Variants in NLGN1 observed in about 807,000 individuals in gnomAD.
NLGN1 encodes the protein neuroligin-1.
Under a neutral mutation model 65.5 loss-of-function variants are expected in NLGN1, and 12 were observed. The ratio of observed to expected loss-of-function variants is 0.18; its 90% CI spans 0.12 to 0.30. NLGN1 has a LOEUF of 0.30. Among genes scored for constraint, NLGN1 ranks in the 10% least tolerant of loss-of-function variants. NLGN1 has a pLI of 1.00. For missense variants in NLGN1, 750 were observed against 1,007.1 expected, an observed-to-expected ratio of 0.74 and a Z score of 3.46; for synonymous variants, 350 against 359.5, an observed-to-expected ratio of 0.97 and a Z score of 0.30.
chr3:173,530,829 G>A (rs1736446163), intron 2 of NLGN1, among the ~76,000 whole-genome samples: 1 of 151,778 alleles, frequency 6.6e-6, no homozygotes, highest in South Asian at 2.1e-4. Flanking sequence ...TTGTCATTTA[G>A]TTTATAATTA....
chr3:173,897,390 C>T (rs544888566), intron 4 of NLGN1, among the ~76,000 whole-genome samples: 2 of 152,282 alleles, frequency 1.3e-5, no homozygotes, highest in East Asian at 3.9e-4. Context: ...TGACATATTG[C>T]TATTGCCTTG....
chr3:173,818,895 CTTTTT>C (rs200212547), intron 4 of NLGN1, among the ~76,000 whole-genome samples: 1 of 92,400 alleles, frequency 1.1e-5, no homozygotes, highest in African/African-American at 4.7e-5. Context: ...TTGAATAGTT[CTTTTT>C]TTTTTTTTTT....
At chr3:173,789,533 C>T (rs996229843) in intron 3 of NLGN1, among the ~76,000 whole-genome samples, 11 of 152,166 alleles carry the variant, frequency 7.2e-5, no homozygotes. Context: ...GAAATGAAGG[C>T]TCAGAGATAG....
At chr3:173,556,239 A>G (rs1741684127) in intron 2 of NLGN1, among the ~76,000 whole-genome samples, 1 of 152,112 alleles carries the variant, frequency 6.6e-6, no homozygotes, top group South Asian at 2.1e-4. Context: ...TACTTAAAAG[A>G]AACTTTTGGT....
chr3:173,460,488 A>G (rs1174196234), intron 2 of NLGN1, among the ~76,000 whole-genome samples: 1 of 152,158 alleles, frequency 6.6e-6, no homozygotes, highest in Non-Finnish European at 1.5e-5. Context: ...AGATTGAACT[A>G]TTAAAGTGTT....
chr3:174,006,764 T>C (rs1172052321), intron 4 of NLGN1, among the ~76,000 whole-genome samples: 2 of 152,088 alleles, frequency 1.3e-5, no homozygotes, highest in Admixed American at 1.3e-4. Context: ...TCTGACTGCA[T>C]TCTTATAAGA....
chr3:173,631,662 C>T (rs866522810), intron 3 of NLGN1, among the ~76,000 whole-genome samples: 6 of 152,120 alleles, frequency 3.9e-5, no homozygotes, highest in South Asian at 2.1e-4. Context: ...ACCATGGTTA[C>T]GAGAGTAAAT....
At chr3:174,096,169 GAT>G (rs1238515101) in intron 4 of NLGN1, among the ~76,000 whole-genome samples, 2 of 150,408 alleles carry the variant, frequency 1.3e-5, no homozygotes, top group African/African-American at 4.9e-5. Flanking sequence ...GAATTAATGT[GAT>G]ATGTGTGTAT....
intron 4 of NLGN1, among the ~76,000 whole-genome samples, chr3:173,888,933 T>C (rs561260834): frequency 6.6e-6 from 1 of 152,288 alleles, no homozygotes; most frequent in Admixed American, 6.5e-5. Context: ...TATTATAATT[T>C]AGGTGTTGAT....
chr3:173,723,269 TAA>T, intron 3 of NLGN1, among the ~76,000 whole-genome samples: 1 of 152,352 alleles, frequency 6.6e-6, no homozygotes, highest in Non-Finnish European at 1.5e-5. Context: ...TTATCAAATT[TAA>T]AACATTTTTC....
intron 4 of NLGN1, among the ~76,000 whole-genome samples, chr3:174,128,724 G>A (rs532054735): frequency 6.6e-6 from 1 of 152,122 alleles, no homozygotes; most frequent in Non-Finnish European, 1.5e-5. Flanking sequence ...AGCTATTTCA[G>A]TGGGCTTCAT....
chr3:174,027,066 TAAAA>T (rs3035805), intron 4 of NLGN1, among the ~76,000 whole-genome samples: 30 of 149,326 alleles, frequency 2.0e-4, no homozygotes, highest in East Asian at 7.8e-4. Flanking sequence ...TCAATTTTTT[TAAAA>T]AAAAAAAAAG....
At chr3:173,528,336 G>A (rs1281419929) in intron 2 of NLGN1, among the ~76,000 whole-genome samples, 2 of 151,914 alleles carry the variant, frequency 1.3e-5, no homozygotes, top group South Asian at 2.1e-4. Context: ...CTTTTATAGG[G>A]GATTTGATGT....
intron 3 of NLGN1, among the ~76,000 whole-genome samples, chr3:173,747,801 CTTT>C (rs749749824): frequency 5.1e-4 from 33 of 64,414 alleles, no homozygotes; most frequent in African/African-American, 1.6e-3. Context: ...TCTTCTTGTT[CTTT>C]TTTTTTTTTT....
At chr3:174,217,721 T>G (rs2152801925) in intron 4 of NLGN1, among the ~76,000 whole-genome samples, 1 of 152,148 alleles carries the variant, frequency 6.6e-6, no homozygotes, top group Admixed American at 6.5e-5. Context: ...GAAACAGTTT[T>G]TATGAAGTGT....
chr3:174,080,372 T>TA (rs1488802131), intron 4 of NLGN1, among the ~76,000 whole-genome samples: 1 of 152,150 alleles, frequency 6.6e-6, no homozygotes, highest in Non-Finnish European at 1.5e-5. Flanking sequence ...GAAAGTTTAT[T>TA]AAAACATTTT....
At chr3:173,917,680 T>C (rs113644509) in intron 4 of NLGN1, among the ~76,000 whole-genome samples, 81 of 152,318 alleles carry the variant, frequency 5.3e-4, no homozygotes, top group African/African-American at 1.9e-3. Context: ...GTCAGGAAGA[T>C]GTCTAAGCCA....
chr3:173,798,798 T>C (rs947241627), intron 3 of NLGN1, among the ~76,000 whole-genome samples: 1 of 152,082 alleles, frequency 6.6e-6, no homozygotes, highest in Non-Finnish European at 1.5e-5. Context: ...ACTTCATCCA[T>C]TTCTGCCTTT....
chr3:173,747,353 T>C (rs1385549851), intron 3 of NLGN1, among the ~76,000 whole-genome samples: 1 of 85,320 alleles, frequency 1.2e-5, no homozygotes, highest in African/African-American at 4.7e-5. Flanking sequence ...TATTTTAATA[T>C]ATATACTTAA....
Sources: gnomAD v4.1 joint callset for allele counts (sites outside exome capture counted in the v4.1 genomes callset) on GRCh38, gnomAD v4.1.1 for gene constraint, MANE v1.5 for transcripts, NCBI Gene and HGNC (gene_info 2026-07-23, HGNC 2026-07-21) for gene names.